Variants in MEGF9 observed in about 807,000 individuals in gnomAD.
MEGF9 encodes the protein multiple EGF like domains 9, also known as multiple epidermal growth factor-like domains protein 9.
A neutral mutation model predicts 46.8 loss-of-function variants in MEGF9; 6 were observed. That is an observed-to-expected ratio of 0.13 (90% CI 0.07 to 0.25). The LOEUF (loss-of-function observed/expected upper bound fraction) is 0.25. Ranked by LOEUF, MEGF9 falls within the 10% of genes least tolerant of loss-of-function variation. The probability of loss-of-function intolerance (pLI) is 1.00; values close to 1 mark genes in which losing one functional copy is unlikely to be tolerated. For synonymous variants in MEGF9, 302 were observed against 330.7 expected (o/e 0.91, Z 0.94); for missense variants, 683 against 792.4 (o/e 0.86, Z 1.66).
intron 2 of MEGF9, among the ~76,000 whole-genome samples, chr9:120,648,342 A>G (rs1204276351): frequency 6.6e-6 from 1 of 151,734 alleles, no homozygotes; most frequent in Admixed American, 6.6e-5. Flanking sequence ...TGTCAGAAAT[A>G]TAACAGTAGA....
At chr9:120,653,154 T>C (rs934420062) in intron 2 of MEGF9, among the ~76,000 whole-genome samples, 1 of 152,208 alleles carries the variant, frequency 6.6e-6, no homozygotes, top group Admixed American at 6.5e-5. Flanking sequence ...CCACATCTTC[T>C]TGCAAAGTAC....
At chr9:120,678,736 A>G (rs1336112745) in intron 1 of MEGF9, among the ~76,000 whole-genome samples, 1 of 152,152 alleles carries the variant, frequency 6.6e-6, no homozygotes, top group Non-Finnish European at 1.5e-5. Flanking sequence ...GGCCTCCCAA[A>G]GTGCTGGGAT....
At chr9:120,649,700 T>C (rs2043641389) in intron 2 of MEGF9, among the ~76,000 whole-genome samples, 2 of 152,218 alleles carry the variant, frequency 1.3e-5, no homozygotes, top group African/African-American at 4.8e-5. Context: ...TTGGTCTTTT[T>C]TTGATAGTTT....
chr9:120,614,017 A>ATTTTTT (rs5900454), intron 3 of MEGF9, among the ~76,000 whole-genome samples: 2 of 147,378 alleles, frequency 1.4e-5, no homozygotes, highest in Non-Finnish European at 1.5e-5. Flanking sequence ...AAAAAGCTCA[A>ATTTTTT]TTTTTTTTTT....
Position 120,627,619 on chromosome 9 carries a change from C to T in MEGF9, c.804-4864G>A, listed in dbSNP as rs143028703. On this transcript the variant is annotated intron_variant, in intron 2 of 5. Transcript: ENST00000373930. Reference sequence around the variant, plus strand: ...CTGGGACTACAGGCATGCACTATCACGCCCGGCTAATTTTTGTATTTTTAG... The same window carrying T: ...CTGGGACTACAGGCATGCACTATCATGCCCGGCTAATTTTTGTATTTTTAG... 2.3e-3 allele frequency among the ~76,000 whole-genome samples: 346 copies of T among 152,206 alleles called. 1 individual carries two copies. The highest frequency in any genetic ancestry group is 7.3e-3 in the African/African-American group (302 of 41,522).
intron 2 of MEGF9, among the ~76,000 whole-genome samples, chr9:120,656,438 T>C (rs2043677004): frequency 6.6e-6 from 1 of 150,922 alleles, no homozygotes; most frequent in South Asian, 2.1e-4. Context: ...TCCCAGCTAC[T>C]TGGGAGCCTC....
At chr9:120,685,170 T>A (rs1410851597) in intron 1 of MEGF9, among the ~76,000 whole-genome samples, 2 of 152,210 alleles carry the variant, frequency 1.3e-5, no homozygotes, top group Non-Finnish European at 2.9e-5. Flanking sequence ...TTTGGAAGCA[T>A]CAAGATGTTG....
rs752922580 is a variant in MEGF9, at chr9:120,659,339, TA to T, written c.803+34del. ...AGCCTTTTTTTTCCCCTTGCTAAAA[TA>T]AAATAAACTTCAGTTCCACCCTCTG... is the stretch of plus-strand genomic sequence containing the variant. On this transcript the variant is annotated intron_variant, in intron 2 of 5. Coordinates refer to ENST00000373930, the MANE Select transcript of MEGF9 (RefSeq NM_001080497.3). 7.0e-6 allele frequency: 11 copies of T among 1,581,742 alleles called. No individual in the cohort carries two copies. In the Admixed American group the frequency reaches 2.0e-4, roughly 28 times the overall value.
chr9:120,655,604 T>C (rs2043673388), intron 2 of MEGF9, among the ~76,000 whole-genome samples: 1 of 152,116 alleles, frequency 6.6e-6, no homozygotes, highest in African/African-American at 2.4e-5. Context: ...CATGAGATAC[T>C]AACAAAAAAC....
chr9:120,650,759 G>A (rs559082544), intron 2 of MEGF9, among the ~76,000 whole-genome samples: 9 of 152,160 alleles, frequency 5.9e-5, no homozygotes, highest in African/African-American at 2.2e-4. Flanking sequence ...AGAGAATTTG[G>A]TGTTAGGATA....
chr9:120,697,006 AC>A (rs1384423833), intron 1 of MEGF9, among the ~76,000 whole-genome samples: 1 of 152,216 alleles, frequency 6.6e-6, no homozygotes, highest in East Asian at 1.9e-4. Context: ...AGAGAAGTTT[AC>A]AAAATAAGGA....
chr9:120,660,193 G>C (rs868648157), intron 1 of MEGF9, among the ~76,000 whole-genome samples: 1 of 152,068 alleles, frequency 6.6e-6, no homozygotes, highest in African/African-American at 2.4e-5. Flanking sequence ...ATTTCAAACA[G>C]TTCTTTGTTG....
At chr9:120,685,780 TAGC>T (rs2043819576) in intron 1 of MEGF9, among the ~76,000 whole-genome samples, 1 of 152,198 alleles carries the variant, frequency 6.6e-6, no homozygotes, top group Non-Finnish European at 1.5e-5. Flanking sequence ...ATCACATTCA[TAGC>T]AGCACTATTC....
At chr9:120,631,021 T>C (rs552113561) in intron 2 of MEGF9, among the ~76,000 whole-genome samples, 1 of 152,364 alleles carries the variant, frequency 6.6e-6, no homozygotes, top group African/African-American at 2.4e-5. Flanking sequence ...TTTTATTGTC[T>C]GTGCTGATGA....
At chr9:120,682,572 TACAC>T (rs34220125) in intron 1 of MEGF9, among the ~76,000 whole-genome samples, 1 of 150,330 alleles carries the variant, frequency 6.7e-6, no homozygotes, top group Non-Finnish European at 1.5e-5. Flanking sequence ...AACCAATTCT[TACAC>T]ACACACACAC....
chr9:120,694,405 T>A (rs1297833811), intron 1 of MEGF9, among the ~76,000 whole-genome samples: 1 of 152,218 alleles, frequency 6.6e-6, no homozygotes, highest in African/African-American at 2.4e-5. Flanking sequence ...AGCAGTGAAG[T>A]AAAAAGTCCG....
At chr9:120,680,527 C>T (rs747767869) in intron 1 of MEGF9, among the ~76,000 whole-genome samples, 1 of 152,148 alleles carries the variant, frequency 6.6e-6, no homozygotes, top group Non-Finnish European at 1.5e-5. Context: ...GGTGTGGTAA[C>T]GCATGCACCC....
intron 3 of MEGF9, among the ~76,000 whole-genome samples, chr9:120,615,289 A>C (rs544770593): frequency 2.0e-4 from 27 of 137,348 alleles, no homozygotes; most frequent in Non-Finnish European, 3.7e-4. Context: ...GTGTGTGTGC[A>C]TGTGTGTGTA....
chr9:120,606,345 A>G (rs937265048), intron 5 of MEGF9, among the ~76,000 whole-genome samples: 1 of 152,250 alleles, frequency 6.6e-6, no homozygotes, highest in Non-Finnish European at 1.5e-5. Context: ...TTGAACAAAA[A>G]TAAGTCTAAC....
Sources: gnomAD v4.1 joint callset for allele counts (sites outside exome capture counted in the v4.1 genomes callset) on GRCh38, gnomAD v4.1.1 for gene constraint, MANE v1.5 for transcripts, NCBI Gene and HGNC (gene_info 2026-07-23, HGNC 2026-07-21) for gene names.